The following SFT2D1 variants were observed in gnomAD, a reference collection of about 807,000 sequenced individuals.
SFT2D1 encodes vesicle transport protein SFT2A.
Under a neutral mutation model 28.1 loss-of-function variants are expected in SFT2D1, and 24 were observed. That is an observed-to-expected ratio of 0.85 (90% CI 0.62 to 1.20). The LOEUF (loss-of-function observed/expected upper bound fraction) is 1.20. Among genes scored for constraint, SFT2D1 ranks in the 50% most tolerant of loss-of-function variants. The pLI is 0.00. For synonymous variants in SFT2D1, 82 were observed against 73.7 expected (o/e 1.11, Z -0.58); for missense variants, 181 against 190.9 (o/e 0.95, Z 0.31).
chr6:166,332,659 GA>G (rs1325291160), intron 1 of SFT2D1, among the ~76,000 whole-genome samples: 1 of 152,122 alleles, frequency 6.6e-6, no homozygotes, highest in African/African-American at 2.4e-5. Flanking sequence ...TCTTAGAAAA[GA>G]AATAAAATTG....
intron 1 of SFT2D1, among the ~76,000 whole-genome samples, chr6:166,330,542 T>A (rs1379212944): frequency 1.3e-5 from 2 of 152,142 alleles, no homozygotes; most frequent in East Asian, 3.8e-4. Flanking sequence ...AAATGACATA[T>A]AAGATATATT....
At chr6:166,341,992 A>G (rs9356479) in intron 1 of SFT2D1, among the ~76,000 whole-genome samples, 122,080 of 152,074 alleles carry the variant, frequency 0.8, 49,109 homozygotes, top group East Asian at 0.93. Context: ...TTTACCTCCA[A>G]AGACAAACAG....
chr6:166,341,068 A>G (rs1037859599), intron 1 of SFT2D1, among the ~76,000 whole-genome samples: 3 of 152,168 alleles, frequency 2.0e-5, no homozygotes, highest in African/African-American at 7.2e-5. Flanking sequence ...GTAGCCTTTA[A>G]CCACATGTGC....
At chr6:166,326,088 G>A (rs778911275) in intron 5 of SFT2D1, 44 bp downstream of exon 5, 7 of 1,575,850 alleles carry the variant, frequency 4.4e-6, no homozygotes, top group East Asian at 2.2e-5. Context: ...CTGGGGTGGG[G>A]GGCACACAGT....
chr6:166,320,204 A>C lies in SFT2D1; in HGVS notation c.*13T>G, dbSNP rs781559985. On this transcript the variant is annotated 3_prime_UTR_variant, in exon 8 of 8. Coordinates refer to ENST00000361731, the MANE Select transcript of SFT2D1 (RefSeq NM_145169.3). ...CCAACATTCAAGTGCTCTTTTCCAC[A>C]AGTTTCTGATTTTCAACTTAGGAGA... The C allele has an allele frequency of 1.2e-6, 2 of 1,610,534 alleles. No homozygotes were observed. The highest frequency in any genetic ancestry group is 2.2e-5 in the East Asian group (1 of 44,740).
At chr6:166,332,426 T>C (rs570098355) in intron 1 of SFT2D1, among the ~76,000 whole-genome samples, 1 of 152,178 alleles carries the variant, frequency 6.6e-6, no homozygotes, top group South Asian at 2.1e-4. Context: ...GACTAATTTT[T>C]TGTATTTTTA....
chr6:166,335,127 G>A (rs1778620787), intron 1 of SFT2D1: 1 of 597,826 alleles, frequency 1.7e-6, no homozygotes, highest in Admixed American at 1.9e-5. Flanking sequence ...GAAAGCAAGA[G>A]ATGGCTAGTG....
At chr6:166,323,676 C>T (rs1299582960) in intron 6 of SFT2D1, 1 of 152,250 alleles carries the variant, frequency 6.6e-6, no homozygotes, top group African/African-American at 2.4e-5. Flanking sequence ...ATGACTGAAT[C>T]TTCACAAAAG....
chr6:166,341,044 C>G (rs1027697452), intron 1 of SFT2D1, among the ~76,000 whole-genome samples: 1 of 152,172 alleles, frequency 6.6e-6, no homozygotes, highest in African/African-American at 2.4e-5. Context: ...TCTGTATCTG[C>G]GCTGTTTAAT....
At chr6:166,332,450 T>TTCA (rs979055501) in intron 1 of SFT2D1, among the ~76,000 whole-genome samples, 1 of 152,184 alleles carries the variant, frequency 6.6e-6, no homozygotes, top group African/African-American at 2.4e-5. Context: ...GAAACGGGGT[T>TTCA]TCACTATGTT....
chr6:166,330,570 T>TA (rs1223107756), intron 1 of SFT2D1, among the ~76,000 whole-genome samples: 1 of 152,018 alleles, frequency 6.6e-6, no homozygotes, highest in African/African-American at 2.4e-5. Context: ...ATACAAAGAT[T>TA]AAAAAAACAC....
At chr6:166,330,965 C>G (rs1306709291) in intron 1 of SFT2D1, among the ~76,000 whole-genome samples, 5 of 152,192 alleles carry the variant, frequency 3.3e-5, no homozygotes, top group African/African-American at 1.2e-4. Context: ...GTTTTGGGCC[C>G]CTCCTCCACC....
intron 1 of SFT2D1, among the ~76,000 whole-genome samples, chr6:166,339,673 G>A (rs1180827645): frequency 6.6e-6 from 1 of 152,038 alleles, no homozygotes; most frequent in Non-Finnish European, 1.5e-5. Context: ...CCCATCAACA[G>A]TACTGGGTCC....
At chr6:166,339,451 A>C (rs1341241724) in intron 1 of SFT2D1, among the ~76,000 whole-genome samples, 1 of 152,104 alleles carries the variant, frequency 6.6e-6, no homozygotes, top group Non-Finnish European at 1.5e-5. Flanking sequence ...CCTTGGGAAA[A>C]TGACATGTTC....
At chr6:166,326,784 C>T (rs1363460904) in intron 4 of SFT2D1, among the ~76,000 whole-genome samples, 1 of 152,238 alleles carries the variant, frequency 6.6e-6, no homozygotes, top group Admixed American at 6.5e-5. Context: ...TATGTTCAAA[C>T]GTTCCCACGT....
intron 3 of SFT2D1, among the ~76,000 whole-genome samples, chr6:166,329,107 G>T (rs1186903847): frequency 1.3e-5 from 2 of 152,042 alleles, no homozygotes; most frequent in African/African-American, 2.4e-5. Context: ...CCCACCTCCG[G>T]ATTCCCACTG....
At chr6:166,320,962 G>A (rs1387301147) in intron 7 of SFT2D1, among the ~76,000 whole-genome samples, 1 of 152,172 alleles carries the variant, frequency 6.6e-6, no homozygotes, top group African/African-American at 2.4e-5. Flanking sequence ...AAAATTAGCT[G>A]GGCGTGGCAG....
rs115181521 is a variant in SFT2D1, at chr6:166,325,587, C to T, written c.351+545G>A. On this transcript the variant is annotated intron_variant, in intron 5 of 7. Coordinates refer to ENST00000361731, the MANE Select transcript of SFT2D1 (RefSeq NM_145169.3). ...TCTCTATTGGTTTTACACCTTGCTA[C>T]TCGGCAGCACACTTGCCTCACCACT... Among the ~76,000 whole-genome samples the T allele has an allele frequency of 1.4e-3, 217 of 152,370 alleles. 3 individuals carry two copies. Among genetic ancestry groups the T allele is most frequent in the Middle Eastern group, 0.014 (4 of 294 alleles).
intron 3 of SFT2D1, 31 bp downstream of exon 3, chr6:166,329,476 C>T: frequency 6.3e-7 from 1 of 1,588,752 alleles, no homozygotes; most frequent in Non-Finnish European, 8.6e-7. Flanking sequence ...GTAGCAAGAG[C>T]AAACAAGATA....
Sources: allele counts gnomAD v4.1 joint callset (sites outside exome capture counted in the v4.1 genomes callset), GRCh38; gene constraint gnomAD v4.1.1; transcripts MANE v1.5; gene names NCBI Gene and HGNC (gene_info 2026-07-23, HGNC 2026-07-21).